The following ZNF729 variants were observed in gnomAD, a reference collection of about 807,000 sequenced individuals.
ZNF729 encodes the protein zinc finger protein 729.
A neutral mutation model predicts 12.2 loss-of-function variants in ZNF729; 15 were observed. That is an observed-to-expected ratio of 1.23 (90% CI 0.82 to 1.89). ZNF729 has a LOEUF of 1.89. ZNF729 is among the 40% of genes most tolerant of loss of function. ZNF729 has a pLI of 0.00. For synonymous variants in ZNF729, 492 were observed against 476.3 expected, an observed-to-expected ratio of 1.03 and a Z score of -0.43; for missense variants, 1,540 against 1,456.7, an observed-to-expected ratio of 1.06 and a Z score of -0.93.
Position 22,315,673 on chromosome 19 carries a change from C to T in ZNF729, c.2256C>T (p.Phe752=), listed in dbSNP as rs1599759835. ...AATGTGGCAAATCTTTTAAGCATTT[C>T]TCAGCCCTTAGAAAACATAAGGTAA... is the stretch of plus-strand genomic sequence containing the variant. ...CEECGKSFKH[F]SALRKHKVIH... Residue 752 remains phenylalanine (F), a synonymous_variant, in exon 4 of 4, where the codon TTC becomes TTT. Coordinates refer to ENST00000601693, the MANE Select transcript of ZNF729 (RefSeq NM_001242680.2). 1.2e-6 allele frequency: 2 copies of T among 1,607,472 alleles called. No individual in the cohort carries two copies. The highest frequency in any genetic ancestry group is 1.7e-6 in the Non-Finnish European group (2 of 1,178,870).
At position 22,316,781 on chromosome 19, in the gene ZNF729, C is replaced by CTT. The variant is rs767302461; in HGVS notation, c.3364_3365insTT (p.His1122LeufsTer4). On this transcript the variant is annotated frameshift_variant, in exon 4 of 4. Coordinates refer to ENST00000601693, the MANE Select transcript of ZNF729 (RefSeq NM_001242680.2). LOFTEE classifies it low-confidence loss of function (END_TRUNC). Reference sequence around the variant, plus strand: ...TAACAATTCCTCAACCCTTACGAAACATAAGATAATTCATACTGGGGAGAA... The same window carrying CTT: ...TAACAATTCCTCAACCCTTACGAAACTTATAAGATAATTCATACTGGGGAGAA... 6.2e-7 allele frequency: 1 copy of CTT among 1,613,092 alleles called. No individual in the cohort carries two copies. The highest frequency in any genetic ancestry group is 1.3e-5 in the African/African-American group (1 of 74,888).
chr19:22,304,573 T>C (rs1968355910), intron 2 of ZNF729, 115 bp from the exon 3 acceptor site: 1 of 893,056 alleles, frequency 1.1e-6, no homozygotes, highest in Non-Finnish European at 1.7e-6. Flanking sequence ...AAATGTATGT[T>C]ATAAATTAGT....
chr19:22,295,995 T>C (rs1968225877), intron 1 of ZNF729, among the ~76,000 whole-genome samples: 1 of 152,132 alleles, frequency 6.6e-6, no homozygotes, highest in African/African-American at 2.4e-5. Context: ...CATAGTGGAG[T>C]AGCTTCTTGA....
intron 3 of ZNF729, among the ~76,000 whole-genome samples, chr19:22,310,594 G>GTTAGC (rs1968439289): frequency 6.6e-6 from 1 of 152,096 alleles, no homozygotes; most frequent in African/African-American, 2.4e-5. Flanking sequence ...ACTGGATTCA[G>GTTAGC]TTAGCTACTA....
chr19:22,316,892 C>A lies in ZNF729; in HGVS notation c.3475C>A (p.Pro1159Thr). The A allele has an allele frequency of 1.2e-6, 2 of 1,612,908 alleles. No individual in the cohort carries two copies. Among genetic ancestry groups the A allele is most frequent in the Non-Finnish European group, 8.5e-7 (1 of 1,179,960 alleles). Residue 1159 changes from proline to threonine, a missense_variant, in exon 4 of 4, where the codon CCC becomes ACC. Physicochemically the swap from Pro to Thr is conservative, Grantham distance 38 (BLOSUM62 -1). Transcript: ENST00000601693. ...TAAGATAATTCATTCTGTAGAGAAA[C>A]CCTACAAATGTGAAGAATGTGGCAA... is the stretch of plus-strand genomic sequence containing the variant. ...KHKIIHSVEKPYKCEECGKAF... is the reference protein window; with the variant it reads ...KHKIIHSVEKTYKCEECGKAF...
chr19:22,286,847 C>T lies in ZNF729; in HGVS notation c.30+292C>T, dbSNP rs1258427838. Among the ~76,000 whole-genome samples the T allele has an allele frequency of 3.3e-5, 5 of 152,250 alleles. No homozygotes were observed. The East Asian group carries it at 7.7e-4, about 24-fold the overall frequency. On this transcript the variant is annotated intron_variant, in intron 1 of 3. Transcript: ENST00000601693. ...TCTCTCCGAGATTGTGCAGGGACCACGGGAGGGGCGTCAGGGGAGAATCCT... is the reference window on the plus strand; with the variant it reads ...TCTCTCCGAGATTGTGCAGGGACCATGGGAGGGGCGTCAGGGGAGAATCCT...
At chr19:22,313,166 C>T (rs1388610178) in intron 3 of ZNF729, among the ~76,000 whole-genome samples, 1 of 151,978 alleles carries the variant, frequency 6.6e-6, no homozygotes, top group African/African-American at 2.4e-5. Flanking sequence ...AAGTGATTGC[C>T]TCAGCCTCCC....
intron 3 of ZNF729, among the ~76,000 whole-genome samples, chr19:22,305,177 A>G (rs979725956): frequency 6.6e-5 from 10 of 152,130 alleles, no homozygotes; most frequent in Admixed American, 5.2e-4. Flanking sequence ...TGATATGTCC[A>G]GTTCCTTTTC....
intron 3 of ZNF729, among the ~76,000 whole-genome samples, chr19:22,313,361 C>T (rs184616048): frequency 2.8e-4 from 42 of 152,304 alleles, no homozygotes; most frequent in African/African-American, 1.0e-3. Context: ...CAGCAATTTA[C>T]TTCTAAAGAG....
intron 1 of ZNF729, among the ~76,000 whole-genome samples, chr19:22,294,447 G>A (rs75252523): frequency 3.9e-5 from 6 of 152,000 alleles, no homozygotes; most frequent in South Asian, 2.1e-4. Context: ...TTGGCTACTC[G>A]GGCTCTTTTT....
chr19:22,300,740 A>T (rs1968294361), intron 1 of ZNF729, among the ~76,000 whole-genome samples: 1 of 152,182 alleles, frequency 6.6e-6, no homozygotes, highest in Non-Finnish European at 1.5e-5. Flanking sequence ...ACTGAAACTG[A>T]TTCACAGACT....
intron 1 of ZNF729, among the ~76,000 whole-genome samples, chr19:22,294,461 T>C (rs1173289292): frequency 6.6e-6 from 1 of 152,158 alleles, no homozygotes; most frequent in East Asian, 1.9e-4. Flanking sequence ...TCTTTTTTCC[T>C]TCCATATGAA....
intron 3 of ZNF729, among the ~76,000 whole-genome samples, chr19:22,305,362 C>T (rs1012620894): frequency 6.6e-6 from 1 of 151,862 alleles, no homozygotes; most frequent in Non-Finnish European, 1.5e-5. Flanking sequence ...ATAATGTTAC[C>T]TACATTTTGT....
intron 1 of ZNF729, among the ~76,000 whole-genome samples, chr19:22,301,953 G>C (rs1466262906): frequency 6.6e-6 from 1 of 152,312 alleles, no homozygotes; most frequent in Non-Finnish European, 1.5e-5. Flanking sequence ...TCTTCTGCCT[G>C]GCTCATCATT....
Position 22,303,666 on chromosome 19 carries a change from CTT to C in ZNF729, c.31-90_31-89del, listed in dbSNP as rs1968343883. The C allele has an allele frequency of 1.1e-5, 14 of 1,269,672 alleles. No homozygotes were observed. The South Asian group carries it at 1.7e-4, about 16-fold the overall frequency. The allele number at this position is 1,269,672 out of a possible 1,614,324, so 78.7% of individuals were successfully genotyped here. A position where few individuals can be genotyped will look rare whatever the true frequency, so the allele number is the denominator to read the frequency against. On this transcript the variant is annotated intron_variant, in intron 1 of 3. Transcript: ENST00000601693. ...ATCCCTATAAGTTAGAATCTGTTCT[CTT>C]TATTCTCTCATTTCACCTTGAGTCA...
chr19:22,293,144 A>G (rs1314239015), intron 1 of ZNF729, among the ~76,000 whole-genome samples: 1 of 152,064 alleles, frequency 6.6e-6, no homozygotes, highest in Admixed American at 6.6e-5. Context: ...TTAGCCACAT[A>G]TATATCTTAT....
At chr19:22,312,567 C>T (rs1968464752) in intron 3 of ZNF729, among the ~76,000 whole-genome samples, 1 of 151,868 alleles carries the variant, frequency 6.6e-6, no homozygotes, top group African/African-American at 2.4e-5. Context: ...TTCAGTGCTG[C>T]TGTAACATCT....
intron 1 of ZNF729, among the ~76,000 whole-genome samples, chr19:22,293,492 C>CTTTTTTT (rs1181519048): frequency 4.0e-5 from 2 of 50,032 alleles, no homozygotes; most frequent in Admixed American, 2.4e-4. Flanking sequence ...AGCCTTTTGT[C>CTTTTTTT]TATTTTTTTT....
At chr19:22,308,629 T>C (rs1435394384) in intron 3 of ZNF729, among the ~76,000 whole-genome samples, 2 of 152,180 alleles carry the variant, frequency 1.3e-5, no homozygotes, top group Non-Finnish European at 2.9e-5. Flanking sequence ...TTATTAGTGA[T>C]GTTGAGCATT....
Sources: gnomAD v4.1 joint callset for allele counts (sites outside exome capture counted in the v4.1 genomes callset) on GRCh38, gnomAD v4.1.1 for gene constraint, MANE v1.5 for transcripts, NCBI Gene and HGNC (gene_info 2026-07-23, HGNC 2026-07-21) for gene names.